Variants in NSG2 observed in about 807,000 individuals in gnomAD.
NSG2 encodes neuronal vesicle trafficking-associated protein 2.
A neutral mutation model predicts 16.9 loss-of-function variants in NSG2; 4 were observed. That is an observed-to-expected ratio of 0.24 (90% CI 0.12 to 0.54). The LOEUF (loss-of-function observed/expected upper bound fraction) is 0.54, where lower values mean the gene tolerates loss of function less well. NSG2 is among the 20% of genes least tolerant of loss of function. NSG2 has a pLI of 0.95. For synonymous variants in NSG2, 98 were observed against 88.7 expected (o/e 1.11, Z -0.59); for missense variants, 179 against 221.1 (o/e 0.81, Z 1.21).
chr5:174,105,295 C>T (rs956531903), intron 4 of NSG2, among the ~76,000 whole-genome samples: 9 of 152,150 alleles, frequency 5.9e-5, no homozygotes, highest in African/African-American at 2.2e-4. Flanking sequence ...TCTGCACTGC[C>T]TAGATTACAC....
At chr5:174,066,157 C>T (rs1201487040) in intron 3 of NSG2, 2 of 455,900 alleles carry the variant, frequency 4.4e-6, no homozygotes, top group Non-Finnish European at 8.8e-6. Context: ...ATGCCACCCT[C>T]CTCTTGGAGA....
chr5:174,101,913 A>C (rs1199705539), intron 3 of NSG2, among the ~76,000 whole-genome samples: 1 of 151,914 alleles, frequency 6.6e-6, no homozygotes, highest in Non-Finnish European at 1.5e-5. Flanking sequence ...TTTAAGTCCA[A>C]CTTCTCTTGA....
chr5:174,089,088 G>A (rs531785225), intron 3 of NSG2, among the ~76,000 whole-genome samples: 1 of 152,334 alleles, frequency 6.6e-6, no homozygotes, highest in East Asian at 1.9e-4. Flanking sequence ...ACAGGGATCA[G>A]AAAGGGGCTT....
At chr5:174,091,299 G>A (rs1760718289) in intron 3 of NSG2, 1 of 152,434 alleles carries the variant, frequency 6.6e-6, no homozygotes, top group Non-Finnish European at 1.5e-5. Flanking sequence ...GTCTCTTGGG[G>A]TTGGATGGAG....
At chr5:174,064,699 G>A (rs142474580) in intron 3 of NSG2, among the ~76,000 whole-genome samples, 1 of 152,026 alleles carries the variant, frequency 6.6e-6, no homozygotes, top group Non-Finnish European at 1.5e-5. Context: ...AAACAAAGGT[G>A]GGGGGAAGAA....
intron 2 of NSG2, among the ~76,000 whole-genome samples, chr5:174,058,399 C>G (rs1441159200): frequency 1.3e-5 from 2 of 152,036 alleles, no homozygotes. Flanking sequence ...CCACTGCACT[C>G]CAGCCTGGGC....
intron 2 of NSG2, among the ~76,000 whole-genome samples, chr5:174,059,711 C>T (rs140450240): frequency 1.3e-5 from 2 of 152,234 alleles, no homozygotes; most frequent in African/African-American, 2.4e-5. Flanking sequence ...TCATCTGGAC[C>T]CAGCTCCATT....
At chr5:174,050,528 A>G (rs1759870676) in intron 2 of NSG2, among the ~76,000 whole-genome samples, 1 of 152,162 alleles carries the variant, frequency 6.6e-6, no homozygotes, top group African/African-American at 2.4e-5. Context: ...GGCCTGCCTA[A>G]ACTTTACAGA....
At chr5:174,045,975 T>G (rs992402771) in intron 1 of NSG2, 132 bp downstream of exon 1, 2 of 152,300 alleles carry the variant, frequency 1.3e-5, no homozygotes, top group Non-Finnish European at 2.9e-5. Context: ...GTGTTGAGCT[T>G]CTGGGGGTGG....
intron 3 of NSG2, 66 bp downstream of exon 3, chr5:174,064,381 C>G: frequency 5.4e-6 from 6 of 1,106,686 alleles, no homozygotes; most frequent in Non-Finnish European, 8.0e-6. Flanking sequence ...CTCAGCACAC[C>G]TCGTGCTTGG....
At chr5:174,062,699 A>G (rs911154904) in intron 2 of NSG2, 2 of 152,250 alleles carry the variant, frequency 1.3e-5, no homozygotes, top group African/African-American at 4.8e-5. Flanking sequence ...CTTAACCCCC[A>G]TAAGTCCAGC....
At chr5:174,071,935 A>G (rs555086021) in intron 3 of NSG2, among the ~76,000 whole-genome samples, 16 of 152,216 alleles carry the variant, frequency 1.1e-4, no homozygotes, top group African/African-American at 3.6e-4. Context: ...CTTTCCTTTT[A>G]TAATCTAGGG....
At chr5:174,051,595 C>T (rs191130056) in intron 2 of NSG2, among the ~76,000 whole-genome samples, 22 of 152,280 alleles carry the variant, frequency 1.4e-4, no homozygotes, top group Admixed American at 3.9e-4. Context: ...ATCCATCCAT[C>T]CAGCAAGTCT....
intron 3 of NSG2, among the ~76,000 whole-genome samples, chr5:174,085,397 CCT>C (rs1451531024): frequency 6.6e-6 from 1 of 152,192 alleles, no homozygotes; most frequent in Non-Finnish European, 1.5e-5. Context: ...CCTTTTCCCA[CCT>C]CACACTGGTT....
rs138641682 is a variant in NSG2, at chr5:174,066,017, A to G, written c.213+1702A>G. Reference sequence around the variant, plus strand: ...TGGGAATTGAAGCGTATGCGGGGAGAAACATGTGGGTTTGTTTGTCTTTGA... The same window carrying G: ...TGGGAATTGAAGCGTATGCGGGGAGGAACATGTGGGTTTGTTTGTCTTTGA... On this transcript the variant is annotated intron_variant, in intron 3 of 4. Coordinates refer to ENST00000303177, the MANE Select transcript of NSG2 (RefSeq NM_015980.5). 5.9e-5 allele frequency among the ~76,000 whole-genome samples: 9 copies of G among 152,264 alleles called. No individual in the cohort carries two copies. In the East Asian group the frequency reaches 1.7e-3, roughly 29 times the overall value.
At chr5:174,085,994 C>G (rs913421208) in intron 3 of NSG2, among the ~76,000 whole-genome samples, 1 of 152,230 alleles carries the variant, frequency 6.6e-6, no homozygotes, top group Non-Finnish European at 1.5e-5. Context: ...AGGTCCTTCT[C>G]CTCTACATTC....
intron 2 of NSG2, among the ~76,000 whole-genome samples, chr5:174,048,795 G>A (rs1759839971): frequency 6.6e-6 from 1 of 152,090 alleles, no homozygotes; most frequent in Admixed American, 6.5e-5. Context: ...CAGTCCAGGT[G>A]CACCAGAAGC....
chr5:174,081,887 C>CAAAAA (rs60742273), intron 3 of NSG2, among the ~76,000 whole-genome samples: 6 of 70,186 alleles, frequency 8.5e-5, no homozygotes, highest in Admixed American at 1.6e-4. Context: ...GACTCCGACT[C>CAAAAA]AAAAAAAAAA....
chr5:174,093,752 C>T (rs1760754726), intron 3 of NSG2, among the ~76,000 whole-genome samples: 1 of 152,148 alleles, frequency 6.6e-6, no homozygotes. Context: ...TTTAATTTCC[C>T]TGATGTGAGT....
Sources: gnomAD v4.1 joint callset for allele counts (sites outside exome capture counted in the v4.1 genomes callset) on GRCh38, gnomAD v4.1.1 for gene constraint, MANE v1.5 for transcripts, NCBI Gene and HGNC (gene_info 2026-07-23, HGNC 2026-07-21) for gene names.